The following NLK variants were observed in gnomAD, a reference collection of about 807,000 sequenced individuals.
NLK encodes nemo like kinase.
In NLK, 11 loss-of-function variants were observed where a neutral mutation model predicts 59.0. The observed-to-expected ratio is 0.19, with a 90% CI of 0.12 to 0.31. The LOEUF is 0.31. NLK is among the 10% of genes least tolerant of loss of function. The pLI is 1.00. For synonymous variants in NLK, 235 were observed against 235.9 expected (o/e 1.00, Z 0.03); for missense variants, 410 against 661.1 (o/e 0.62, Z 4.16).
At chr17:28,055,304 G>A (rs1909403358) in intron 1 of NLK, among the ~76,000 whole-genome samples, 1 of 151,916 alleles carries the variant, frequency 6.6e-6, no homozygotes, top group Admixed American at 6.6e-5. Context: ...TGTTGGCCAG[G>A]ATGGTCTCAA....
At chr17:28,157,686 T>A (rs1296022708) in intron 3 of NLK, among the ~76,000 whole-genome samples, 8 of 152,244 alleles carry the variant, frequency 5.3e-5, no homozygotes, top group Admixed American at 2.0e-4. Flanking sequence ...AAATCCAAAA[T>A]TGCATAGAAC....
intron 1 of NLK, among the ~76,000 whole-genome samples, chr17:28,059,729 G>A (rs889490829): frequency 1.3e-5 from 2 of 151,914 alleles, no homozygotes; most frequent in Non-Finnish European, 2.9e-5. Context: ...TTAACAACAG[G>A]CTCTCTGAAA....
intron 3 of NLK, among the ~76,000 whole-genome samples, chr17:28,149,592 G>A (rs1907398203): frequency 6.6e-6 from 1 of 152,176 alleles, no homozygotes; most frequent in Non-Finnish European, 1.5e-5. Context: ...ATATATCTTT[G>A]TTGTGCAACT....
intron 1 of NLK, among the ~76,000 whole-genome samples, chr17:28,082,805 G>A (rs1440690752): frequency 2.0e-5 from 3 of 152,150 alleles, no homozygotes; most frequent in Non-Finnish European, 4.4e-5. Context: ...TAATGTCTAC[G>A]TAATATAACA....
intron 1 of NLK, among the ~76,000 whole-genome samples, chr17:28,076,413 C>T (rs1391945769): frequency 2.0e-5 from 3 of 152,002 alleles, no homozygotes; most frequent in Non-Finnish European, 2.9e-5. Context: ...CTTTTATAAA[C>T]GGCACTAATC....
intron 1 of NLK, among the ~76,000 whole-genome samples, chr17:28,080,039 C>T (rs1910292132): frequency 6.6e-6 from 1 of 152,096 alleles, no homozygotes; most frequent in Non-Finnish European, 1.5e-5. Flanking sequence ...ATGTGGCTAT[C>T]TAGTTTCCCC....
chr17:28,051,953 T>C (rs887521904), intron 1 of NLK, among the ~76,000 whole-genome samples: 3 of 152,204 alleles, frequency 2.0e-5, no homozygotes, highest in African/African-American at 4.8e-5. Context: ...AATGTCACCC[T>C]GTTCCAGAGT....
At chr17:28,093,343 G>A (rs1333024473) in intron 1 of NLK, among the ~76,000 whole-genome samples, 26 of 152,144 alleles carry the variant, frequency 1.7e-4, no homozygotes. Flanking sequence ...TGCTCCTAAA[G>A]TAGGCTGATC....
At chr17:28,120,686 G>C (rs1906007304) in intron 1 of NLK, among the ~76,000 whole-genome samples, 1 of 152,116 alleles carries the variant, frequency 6.6e-6, no homozygotes, top group South Asian at 2.1e-4. Context: ...AAGTCATCGT[G>C]TTGTTAAAAA....
At chr17:28,096,515 T>C (rs1217407847) in intron 1 of NLK, among the ~76,000 whole-genome samples, 2 of 152,166 alleles carry the variant, frequency 1.3e-5, no homozygotes, top group Non-Finnish European at 2.9e-5. Context: ...TGAAGGAATA[T>C]TGAAGGAGGA....
intron 2 of NLK, among the ~76,000 whole-genome samples, chr17:28,126,051 T>C (rs746554934): frequency 1.8e-4 from 28 of 152,232 alleles, no homozygotes; most frequent in Admixed American, 3.9e-4. Context: ...TAAACTTTTA[T>C]TATGCACATC....
intron 3 of NLK, among the ~76,000 whole-genome samples, chr17:28,146,401 T>TGAC (rs1567727535): frequency 6.6e-6 from 1 of 151,340 alleles, no homozygotes; most frequent in Admixed American, 6.6e-5. Context: ...ATGATGATGA[T>TGAC]GATGACGATG....
chr17:28,062,040 C>T (rs1909679082), intron 1 of NLK: 1 of 150,784 alleles, frequency 6.6e-6, no homozygotes, highest in African/African-American at 2.4e-5. Flanking sequence ...GCTGGGGTTC[C>T]AGACCTGGAG....
chr17:28,091,095 C>T (rs973469558), intron 1 of NLK, among the ~76,000 whole-genome samples: 8 of 151,998 alleles, frequency 5.3e-5, no homozygotes, highest in African/African-American at 1.5e-4. Flanking sequence ...TTTATTTACT[C>T]GTCACTGACT....
chr17:28,132,515 C>A, intron 2 of NLK, 105 bp from the exon 3 acceptor site: 1 of 822,462 alleles, frequency 1.2e-6, no homozygotes, highest in Non-Finnish European at 2.0e-6. Flanking sequence ...GCAATTGTAA[C>A]TAAGCTTTAA....
intron 2 of NLK, 23 bp downstream of exon 2, chr17:28,122,755 G>T (rs1341114840): frequency 6.2e-7 from 1 of 1,612,964 alleles, no homozygotes; most frequent in Non-Finnish European, 8.5e-7. Context: ...GGTATTTGGG[G>T]GAAACTATTT....
intron 1 of NLK, among the ~76,000 whole-genome samples, chr17:28,109,413 C>A (rs1905368012): frequency 6.6e-6 from 1 of 152,118 alleles, no homozygotes; most frequent in African/African-American, 2.4e-5. Context: ...CAAATTTACC[C>A]ATCATAAGTA....
At chr17:28,046,982 A>G (rs961472105) in intron 1 of NLK, among the ~76,000 whole-genome samples, 5 of 152,192 alleles carry the variant, frequency 3.3e-5, no homozygotes, top group African/African-American at 7.2e-5. Flanking sequence ...TTATTATTCT[A>G]ATAACTTCAG....
At chr17:28,077,298 G>A (rs999072087) in intron 1 of NLK, among the ~76,000 whole-genome samples, 3 of 151,776 alleles carry the variant, frequency 2.0e-5, no homozygotes, top group African/African-American at 7.3e-5. Context: ...GAGGCGAAAG[G>A]CACCTCTTAA....
Sources: allele counts gnomAD v4.1 joint callset (sites outside exome capture counted in the v4.1 genomes callset), GRCh38; gene constraint gnomAD v4.1.1; transcripts MANE v1.5; gene names NCBI Gene and HGNC (gene_info 2026-07-23, HGNC 2026-07-21).